Variants in GNA14 observed in about 807,000 individuals in gnomAD.
GNA14 encodes guanine nucleotide-binding protein subunit alpha-14.
A neutral mutation model predicts 42.0 loss-of-function variants in GNA14; 50 were observed. The observed-to-expected ratio is 1.19, with a 90% confidence interval of 0.95 to 1.51. The LOEUF is 1.51. GNA14 is among the 40% of genes most tolerant of loss of function. The pLI, the probability that GNA14 is intolerant of heterozygous loss-of-function variation, is 0.00. For missense variants in GNA14, 473 were observed against 446.2 expected (o/e 1.06, Z -0.54); for synonymous variants, 173 against 163.1 (o/e 1.06, Z -0.46).
chr9:77,644,499 T>C (rs895213620), intron 1 of GNA14, among the ~76,000 whole-genome samples: 3 of 142,410 alleles, frequency 2.1e-5, no homozygotes, highest in African/African-American at 8.0e-5. Context: ...AGAAAGGCCA[T>C]GTGAGGCCAC....
intron 1 of GNA14, among the ~76,000 whole-genome samples, chr9:77,552,126 C>CAAAAAAAAAAAAAAA (rs34493872): frequency 1.2e-5 from 1 of 85,086 alleles, no homozygotes; most frequent in Non-Finnish European, 2.3e-5. Flanking sequence ...AACTCCATCT[C>CAAAAAAAAAAAAAAA]AAAAAAAAAA....
chr9:77,578,906 C>T (rs1000936786), intron 1 of GNA14, among the ~76,000 whole-genome samples: 5 of 152,166 alleles, frequency 3.3e-5, no homozygotes, highest in African/African-American at 1.2e-4. Context: ...AGGCCTTCCA[C>T]TTGATGGGCA....
chr9:77,628,419 C>T (rs1353446840), intron 1 of GNA14, among the ~76,000 whole-genome samples: 1 of 152,112 alleles, frequency 6.6e-6, no homozygotes, highest in East Asian at 1.9e-4. Flanking sequence ...AAAAAGAGCC[C>T]ATATAGCCAA....
intron 1 of GNA14, among the ~76,000 whole-genome samples, chr9:77,630,185 G>C (rs553184414): frequency 6.6e-6 from 1 of 150,566 alleles, no homozygotes; most frequent in Admixed American, 6.7e-5. Flanking sequence ...GCAATATGTC[G>C]AGGCTCATTG....
At chr9:77,637,989 T>C (rs1824208976) in intron 1 of GNA14, among the ~76,000 whole-genome samples, 1 of 151,220 alleles carries the variant, frequency 6.6e-6, no homozygotes, top group East Asian at 1.9e-4. Context: ...ATATCAAATG[T>C]AGTCTTATAG....
chr9:77,585,317 G>A (rs889851890), intron 1 of GNA14, among the ~76,000 whole-genome samples: 4 of 152,112 alleles, frequency 2.6e-5, no homozygotes, highest in South Asian at 2.1e-4. Flanking sequence ...AGACACAGAA[G>A]TTCCAAACAC....
chr9:77,576,599 A>G (rs1407292437), intron 1 of GNA14, among the ~76,000 whole-genome samples: 1 of 151,998 alleles, frequency 6.6e-6, no homozygotes, highest in Non-Finnish European at 1.5e-5. Context: ...ATGATTAGAT[A>G]TGGCCAAGAG....
intron 1 of GNA14, among the ~76,000 whole-genome samples, chr9:77,609,921 G>C (rs1289399697): frequency 6.6e-6 from 1 of 152,156 alleles, no homozygotes; most frequent in Non-Finnish European, 1.5e-5. Context: ...TTTCCAGAAG[G>C]ATTGCAATTG....
At chr9:77,599,344 A>G (rs1039197555) in intron 1 of GNA14, among the ~76,000 whole-genome samples, 1 of 152,220 alleles carries the variant, frequency 6.6e-6, no homozygotes, top group African/African-American at 2.4e-5. Context: ...AGAAAAAGCC[A>G]CAGAACGGAG....
Position 77,647,784 on chromosome 9 carries a change from A to C in GNA14, c.10T>G (p.Cys4Gly). 6.2e-7 allele frequency: 1 copy of C among 1,609,100 alleles called. No individual in the cohort carries two copies. The highest frequency in any genetic ancestry group is 2.2e-5 in the East Asian group (1 of 44,792). Residue 4 changes from cysteine to glycine, a missense_variant, in exon 1 of 7, where the codon TGC becomes GGC. Cys to Gly is a radical substitution (Grantham distance 159). Coordinates refer to ENST00000341700, the MANE Select transcript of GNA14 (RefSeq NM_004297.4). MAG[C>G]CCLSAEEKES... ...TTCTCCTCCGCGGACAGGCAGCAGC[A>C]GCCGGCCATGGTGCGCTCAGCTCAG...
chr9:77,617,842 T>C (rs147326713), intron 1 of GNA14, among the ~76,000 whole-genome samples: 426 of 152,172 alleles, frequency 2.8e-3, no homozygotes, highest in African/African-American at 0.01. Flanking sequence ...CCCTGGGTCT[T>C]CATATAGTTT....
intron 1 of GNA14, among the ~76,000 whole-genome samples, chr9:77,574,387 T>A (rs1200362074): frequency 1.3e-5 from 2 of 152,236 alleles, no homozygotes; most frequent in Non-Finnish European, 2.9e-5. Flanking sequence ...AATCAAGATT[T>A]GTGTTTCCTT....
At chr9:77,551,137 T>C (rs913362622) in intron 1 of GNA14, among the ~76,000 whole-genome samples, 2 of 152,224 alleles carry the variant, frequency 1.3e-5, no homozygotes, top group Non-Finnish European at 2.9e-5. Flanking sequence ...ATTTTCATTA[T>C]ACTTTATACA....
At chr9:77,453,131 C>T (rs543669080) in intron 2 of GNA14, among the ~76,000 whole-genome samples, 1 of 152,136 alleles carries the variant, frequency 6.6e-6, no homozygotes, top group African/African-American at 2.4e-5. Flanking sequence ...CAGAGCAAGA[C>T]CCTGTTCCTG....
rs10689125 is a variant in GNA14, at chr9:77,503,653, A to ATTTT, written c.309+25412_309+25415dup. 7.2e-4 allele frequency among the ~76,000 whole-genome samples: 102 copies of ATTTT among 140,794 alleles called. 2 individuals carry two copies. The East Asian group carries it at 0.013, about 18-fold the overall frequency. 92.4% of individuals were successfully genotyped at this position (140,794 alleles called of 152,430 possible). Reference sequence around the variant, plus strand: ...AAAGAAATTTACATCAAATTTCAGGATTTTTTTTTTTTTTTTGAGACAGAG... The same window carrying ATTTT: ...AAAGAAATTTACATCAAATTTCAGGATTTTTTTTTTTTTTTTTTTTGAGACAGAG... On this transcript the variant is annotated intron_variant, in intron 2 of 6. Transcript: ENST00000341700.
intron 2 of GNA14, among the ~76,000 whole-genome samples, chr9:77,489,745 C>A (rs909675595): frequency 7.2e-5 from 11 of 151,960 alleles, no homozygotes; most frequent in African/African-American, 2.4e-4. Flanking sequence ...GTTCATTTCT[C>A]CCGGTGGGCT....
chr9:77,599,665 G>A (rs949178556), intron 1 of GNA14, among the ~76,000 whole-genome samples: 12 of 152,268 alleles, frequency 7.9e-5, no homozygotes, highest in Admixed American at 1.3e-4. Flanking sequence ...ATCTGCTTCC[G>A]GGAATGGCTT....
intron 1 of GNA14, among the ~76,000 whole-genome samples, chr9:77,611,324 G>A (rs1209216883): frequency 2.0e-5 from 3 of 152,158 alleles, no homozygotes; most frequent in African/African-American, 7.2e-5. Flanking sequence ...GCATCCCAAG[G>A]GAGCTACATG....
chr9:77,626,940 G>T (rs183687090), intron 1 of GNA14, among the ~76,000 whole-genome samples: 1 of 151,932 alleles, frequency 6.6e-6, no homozygotes, highest in African/African-American at 2.4e-5. Context: ...ATCAATGAAC[G>T]CAGGAGCTGG....
Sources: gnomAD v4.1 joint callset for allele counts (sites outside exome capture counted in the v4.1 genomes callset) on GRCh38, gnomAD v4.1.1 for gene constraint, MANE v1.5 for transcripts, NCBI Gene and HGNC (gene_info 2026-07-23, HGNC 2026-07-21) for gene names.